BBS9: variants seen among roughly 807,000 people sequenced by gnomAD.
The protein encoded by BBS9 is Bardet-Biedl syndrome 9.
A neutral mutation model predicts 117.7 loss-of-function variants in BBS9; 89 were observed. That is an observed-to-expected ratio of 0.76 (90% confidence interval 0.64 to 0.90). The LOEUF is 0.90. BBS9 is among the 40% of genes least tolerant of loss of function. BBS9 has a pLI of 0.00. For synonymous variants in BBS9, 379 were observed against 370.9 expected, an observed-to-expected ratio of 1.02 and a Z score of -0.25; for missense variants, 982 against 1,042.2, an observed-to-expected ratio of 0.94 and a Z score of 0.80.
chr7:33,599,765 A>C (rs1863503186), intron 21 of BBS9, among the ~76,000 whole-genome samples: 1 of 152,230 alleles, frequency 6.6e-6, no homozygotes, highest in Admixed American at 6.5e-5. Context: ...ACTTAATTGT[A>C]ATAGGGCTCA....
intron 19 of BBS9, among the ~76,000 whole-genome samples, chr7:33,489,777 A>G (rs1254064759): frequency 6.6e-6 from 1 of 152,190 alleles, no homozygotes; most frequent in Non-Finnish European, 1.5e-5. Flanking sequence ...TTCACGTGCT[A>G]TTGTGTGATA....
intron 19 of BBS9, among the ~76,000 whole-genome samples, chr7:33,422,063 G>T (rs1267341781): frequency 6.6e-6 from 1 of 152,174 alleles, no homozygotes; most frequent in East Asian, 1.9e-4. Context: ...ATATAAATAA[G>T]AAATAGAAAT....
chr7:33,629,768 G>A (rs17150817), intron 21 of BBS9, among the ~76,000 whole-genome samples: 46,031 of 152,016 alleles, frequency 0.3, 8,383 homozygotes, highest in African/African-American at 0.5. Flanking sequence ...CGTTAAAATT[G>A]CATTTCTGTG....
intron 9 of BBS9, among the ~76,000 whole-genome samples, chr7:33,292,958 A>G (rs1180814215): frequency 6.6e-6 from 1 of 151,496 alleles, no homozygotes; most frequent in Non-Finnish European, 1.5e-5. Flanking sequence ...GTCAGCTGAG[A>G]TCATGCCACT....
chr7:33,613,321 G>A (rs954844678), intron 21 of BBS9, among the ~76,000 whole-genome samples: 17 of 152,000 alleles, frequency 1.1e-4, no homozygotes, highest in African/African-American at 4.1e-4. Context: ...GTTCCCTATT[G>A]GTTGGAAGAG....
chr7:33,381,436 G>T (rs575220158), intron 17 of BBS9, among the ~76,000 whole-genome samples: 1 of 152,056 alleles, frequency 6.6e-6, no homozygotes, highest in Non-Finnish European at 1.5e-5. Flanking sequence ...ACTGAGTTAC[G>T]TAAATGAATG....
intron 9 of BBS9, among the ~76,000 whole-genome samples, chr7:33,274,984 G>A: frequency 8.1e-6 from 1 of 123,194 alleles, no homozygotes; most frequent in Admixed American, 9.8e-5. Flanking sequence ...GACAGAGTGA[G>A]ACTGTGTCTC....
At chr7:33,600,411 T>G (rs1863612617) in intron 21 of BBS9, among the ~76,000 whole-genome samples, 1 of 147,516 alleles carries the variant, frequency 6.8e-6, no homozygotes, top group Admixed American at 6.8e-5. Context: ...TTTTTTTTTT[T>G]GAGAAGCATT....
rs747002158 is a variant in BBS9 at position 33,605,310 on chromosome 7, G to A, written c.*84G>A. ...AACCTCATGCCAAGCACAGATATAG[G>A]GCTGGCGCAGGTGCTTCCTAAAGCT... is the stretch of plus-strand genomic sequence containing the variant. On this transcript the variant is annotated 3_prime_UTR_variant, in exon 23 of 23. Coordinates refer to ENST00000242067, the MANE Select transcript of BBS9 (RefSeq NM_198428.3). 171 of 1,418,570 alleles carry A rather than the reference G, an allele frequency of 1.2e-4. No individual in the cohort carries two copies. Among genetic ancestry groups the A allele is most frequent in the Non-Finnish European group, 1.7e-4 (167 of 1,002,228 alleles). The allele number at this position is 1,418,570 out of a possible 1,614,324, so 87.9% of individuals were successfully genotyped here.
intron 9 of BBS9, among the ~76,000 whole-genome samples, chr7:33,293,886 T>G (rs1303242956): frequency 1.3e-5 from 2 of 151,760 alleles, no homozygotes; most frequent in African/African-American, 4.8e-5. Context: ...GTTCTTTTTC[T>G]TCGTGAAGAG....
At chr7:33,606,533 A>ATT (rs1285962451), downstream of BBS9, among the ~76,000 whole-genome samples, 1 of 152,162 alleles carries the variant, frequency 6.6e-6, no homozygotes, top group African/African-American at 2.4e-5. Flanking sequence ...GGTACGGCAC[A>ATT]ACTGCCAAGG....
intron 19 of BBS9, among the ~76,000 whole-genome samples, chr7:33,493,636 A>C (rs1222394742): frequency 6.6e-6 from 1 of 152,186 alleles, no homozygotes; most frequent in Non-Finnish European, 1.5e-5. Flanking sequence ...TAGGTAGTAG[A>C]CTACCACCTT....
intron 19 of BBS9, among the ~76,000 whole-genome samples, chr7:33,392,778 A>G (rs574571547): frequency 2.6e-5 from 4 of 152,270 alleles, no homozygotes; most frequent in Admixed American, 2.0e-4. Flanking sequence ...TTTTGTTGTC[A>G]TTAAAATCTT....
intron 5 of BBS9, among the ~76,000 whole-genome samples, chr7:33,187,941 T>C (rs188543110): frequency 5.9e-5 from 9 of 151,728 alleles, no homozygotes; most frequent in African/African-American, 2.2e-4. Context: ...AAAAAGACAG[T>C]TTATGTTCTC....
chr7:33,597,068 G>A (rs111450305), intron 21 of BBS9, among the ~76,000 whole-genome samples: 1 of 76,630 alleles, frequency 1.3e-5, no homozygotes, highest in Non-Finnish European at 2.6e-5. Context: ...CTCTCTCTCT[G>A]TCACACACAC....
chr7:33,524,838 G>A (rs1405130000), intron 20 of BBS9, among the ~76,000 whole-genome samples: 2 of 152,116 alleles, frequency 1.3e-5, no homozygotes, highest in East Asian at 1.9e-4. Context: ...TAATTGTGAT[G>A]TTAGGGTGTC....
At chr7:33,563,845 G>C (rs150895238) in intron 21 of BBS9, among the ~76,000 whole-genome samples, 3 of 152,168 alleles carry the variant, frequency 2.0e-5, no homozygotes, top group African/African-American at 7.2e-5. Flanking sequence ...CATGAGATGC[G>C]AAGTGCGAGC....
At chr7:33,401,598 T>C (rs144861486) in intron 19 of BBS9, among the ~76,000 whole-genome samples, 2 of 152,272 alleles carry the variant, frequency 1.3e-5, no homozygotes, top group East Asian at 3.9e-4. Flanking sequence ...ATTCAAGGAT[T>C]TTCTAATTGG....
chr7:33,479,935 G>T lies in BBS9; in HGVS notation c.2116-25528G>T, dbSNP rs568094218. On this transcript the variant is annotated intron_variant, in intron 19 of 22. Transcript: ENST00000242067. The stretch of plus-strand genomic sequence containing the variant: ...TGAGGTTGTTTGTTTTTTGCTTGTT[G>T]ATTAAGTTCCTTATAGATTCTGGAT... Among the ~76,000 whole-genome samples, 3 of 152,132 alleles carry T rather than the reference G, an allele frequency of 2.0e-5. No homozygotes were observed. The South Asian group carries it at 6.2e-4, about 32-fold the overall frequency.
Sources: allele counts gnomAD v4.1 joint callset (sites outside exome capture counted in the v4.1 genomes callset), GRCh38; gene constraint gnomAD v4.1.1; transcripts MANE v1.5; gene names NCBI Gene and HGNC (gene_info 2026-07-23, HGNC 2026-07-21).